HDAC4: variants seen among roughly 807,000 people sequenced by gnomAD.
HDAC4 encodes histone deacetylase A.
A neutral mutation model predicts 135.1 loss-of-function variants in HDAC4; 16 were observed. The observed-to-expected ratio is 0.12, with a 90% CI of 0.08 to 0.18. The LOEUF (loss-of-function observed/expected upper bound fraction) is 0.18. HDAC4 is among the 10% of genes least tolerant of loss of function. The pLI is 1.00. For synonymous variants in HDAC4, 685 were observed against 653.4 expected, an observed-to-expected ratio of 1.05 and a Z score of -0.74; for missense variants, 1,143 against 1,511.8, an observed-to-expected ratio of 0.76 and a Z score of 4.05.
chr2:239,379,983 C>G (rs537923557), intron 1 of HDAC4, among the ~76,000 whole-genome samples: 1 of 152,318 alleles, frequency 6.6e-6, no homozygotes, highest in African/African-American at 2.4e-5. Context: ...CCATCTGGCC[C>G]GTGGTGGAGT....
At chr2:239,089,256 C>T (rs1260112609) in intron 18 of HDAC4, among the ~76,000 whole-genome samples, 3 of 152,320 alleles carry the variant, frequency 2.0e-5, no homozygotes, top group Admixed American at 2.0e-4. Flanking sequence ...AGAATGACGC[C>T]GGGCAGGTGT....
intron 2 of HDAC4, among the ~76,000 whole-genome samples, chr2:239,310,522 C>A (rs868826516): frequency 1.3e-5 from 2 of 152,220 alleles, no homozygotes; most frequent in African/African-American, 4.8e-5. Context: ...CTCCCATGAG[C>A]CCTGCCTCCA....
At chr2:239,268,954 G>A (rs1010442192) in intron 2 of HDAC4, among the ~76,000 whole-genome samples, 2 of 152,126 alleles carry the variant, frequency 1.3e-5, no homozygotes, top group Non-Finnish European at 2.9e-5. Context: ...AAGACTAATC[G>A]CACTGGCAAG....
chr2:239,248,249 C>T (rs866520210), intron 2 of HDAC4, among the ~76,000 whole-genome samples: 22 of 151,778 alleles, frequency 1.4e-4, no homozygotes, highest in East Asian at 3.9e-4. Context: ...GGCGTGATCT[C>T]GGCTCACTGC....
chr2:239,265,200 T>A (rs1002710288), intron 2 of HDAC4, among the ~76,000 whole-genome samples: 1 of 152,196 alleles, frequency 6.6e-6, no homozygotes, highest in Non-Finnish European at 1.5e-5. Context: ...GGCTCCCACA[T>A]GTGTGCCAAC....
intron 2 of HDAC4, among the ~76,000 whole-genome samples, chr2:239,323,775 G>A (rs1458774200): frequency 6.6e-6 from 1 of 152,118 alleles, no homozygotes; most frequent in Admixed American, 6.5e-5. Context: ...GGGGCCCCGG[G>A]GCAGCCAATC....
chr2:239,115,999 C>T lies in HDAC4; in HGVS notation c.1534-689G>A, dbSNP rs1468281457. ...TATGGGGCCCCAAGAACCGCAACAT[C>T]CTCCCTCCTGTGGGACTCCCTAGAT... On this transcript the variant is annotated intron_variant, in intron 12 of 26. Transcript: ENST00000543185. This position sits in a 1 kb window ranked among gnomAD's most constrained non-coding sequence, Gnocchi z 6.3. Among the ~76,000 whole-genome samples, 1 of 152,176 alleles carries T rather than the reference C, an allele frequency of 6.6e-6. No homozygotes were observed. The highest frequency in any genetic ancestry group is 1.9e-4 in the East Asian group (1 of 5,180).
intron 10 of HDAC4, 21 bp downstream of exon 10, chr2:239,134,506 G>A (rs1406409279): frequency 6.2e-7 from 1 of 1,613,298 alleles, no homozygotes; most frequent in Non-Finnish European, 8.5e-7. Flanking sequence ...ACACCACACG[G>A]ACCCACGGGG....
chr2:239,088,193 G>A (rs937599898), intron 18 of HDAC4, among the ~76,000 whole-genome samples: 2 of 152,136 alleles, frequency 1.3e-5, no homozygotes, highest in Non-Finnish European at 2.9e-5. Context: ...TCACTTCTGC[G>A]TCAAAAATCC....
chr2:239,064,255 A>G, intron 24 of HDAC4, among the ~76,000 whole-genome samples: 1 of 152,244 alleles, frequency 6.6e-6, no homozygotes, highest in East Asian at 1.9e-4. Context: ...TGGAAAATAA[A>G]GCAGGTTTGT....
rs887411712 is a variant in HDAC4 at position 239,331,809 on chromosome 2, T to C, written c.22+20869A>G. Among the ~76,000 whole-genome samples the C allele has an allele frequency of 1.3e-5, 2 of 151,966 alleles. No individual in the cohort carries two copies. Among genetic ancestry groups the C allele is most frequent in the Non-Finnish European group, 2.9e-5 (2 of 67,990 alleles). ...GAAGGGAGGTGGAAAGAGGGCACACTCGGCCCGCGTGTCCTCCAGAGGCTG... is the reference window on the plus strand; with the variant it reads ...GAAGGGAGGTGGAAAGAGGGCACACCCGGCCCGCGTGTCCTCCAGAGGCTG... On this transcript the variant is annotated intron_variant, in intron 2 of 26. Coordinates refer to ENST00000543185, the MANE Select transcript of HDAC4 (RefSeq NM_001378414.1). The surrounding 1 kb of genome is among the most constrained non-coding windows in gnomAD (Gnocchi z 4.5).
chr2:239,052,815 G>A lies in HDAC4; in HGVS notation c.*282C>T. 2.1e-6 allele frequency: 1 copy of A among 480,646 alleles called. No homozygotes were observed. The highest frequency in any genetic ancestry group is 2.9e-5 in the South Asian group (1 of 34,204). 29.8% of individuals were successfully genotyped at this position (480,646 alleles called of 1,614,324 possible). A position where few individuals can be genotyped will look rare whatever the true frequency, so the allele number is the denominator to read the frequency against. ...CTTTCTTCCACGGCGTCCCTTGCGGGACCCGCCAGAGTGTGCTTGGCTTCC... is the reference window on the plus strand; with the variant it reads ...CTTTCTTCCACGGCGTCCCTTGCGGAACCCGCCAGAGTGTGCTTGGCTTCC... On this transcript the variant is annotated 3_prime_UTR_variant, in exon 27 of 27. Coordinates refer to ENST00000543185, the MANE Select transcript of HDAC4 (RefSeq NM_001378414.1).
intron 1 of HDAC4, among the ~76,000 whole-genome samples, chr2:239,391,336 T>G (rs1696191824): frequency 1.3e-5 from 2 of 152,276 alleles, no homozygotes; most frequent in South Asian, 4.2e-4. Flanking sequence ...TCTCAAACTG[T>G]ACTAAGGTCC....
chr2:239,145,078 T>G (rs1348705811), intron 7 of HDAC4, among the ~76,000 whole-genome samples: 1 of 152,062 alleles, frequency 6.6e-6, no homozygotes, highest in Non-Finnish European at 1.5e-5. Context: ...AGTCACTTAA[T>G]GGCGATGTCT....
intron 1 of HDAC4, among the ~76,000 whole-genome samples, chr2:239,390,622 C>T (rs1351559909): frequency 1.3e-5 from 2 of 152,142 alleles, no homozygotes; most frequent in East Asian, 3.9e-4. Flanking sequence ...CACCCTCCAC[C>T]TGTGGAGGAG....
Position 239,115,685 on chromosome 2 carries a change from T to C in HDAC4, c.1534-375A>G, listed in dbSNP as rs2039065307. 6.6e-6 allele frequency among the ~76,000 whole-genome samples: 1 copy of C among 151,790 alleles called. No individual in the cohort carries two copies. Among genetic ancestry groups the C allele is most frequent in the Non-Finnish European group, 1.5e-5 (1 of 67,972 alleles). On this transcript the variant is annotated intron_variant, in intron 12 of 26. Transcript: ENST00000543185. This position sits in a 1 kb window ranked among gnomAD's most constrained non-coding sequence, Gnocchi z 6.3. ...GAGTGTGAAGGGGAGAGGCCAATGC[T>C]GACCTCACAGCCACAACTGCTAAGA...
intron 2 of HDAC4, among the ~76,000 whole-genome samples, chr2:239,323,843 G>A (rs1032507312): frequency 2.0e-5 from 3 of 152,072 alleles, no homozygotes; most frequent in African/African-American, 4.8e-5. Context: ...AGGCAGAAGC[G>A]CCACAAAAAC....
intron 3 of HDAC4, among the ~76,000 whole-genome samples, chr2:239,195,776 C>A (rs974161819): frequency 2.0e-5 from 3 of 152,172 alleles, no homozygotes; most frequent in African/African-American, 7.2e-5. Context: ...CATATTAAGA[C>A]AATCAGACTC....
At chr2:239,231,287 C>T (rs1036269104) in intron 3 of HDAC4, among the ~76,000 whole-genome samples, 6 of 152,200 alleles carry the variant, frequency 3.9e-5, no homozygotes, top group Non-Finnish European at 7.3e-5. Flanking sequence ...GTCTTAACAT[C>T]GGCCTCTACT....
Sources: allele counts gnomAD v4.1 joint callset (sites outside exome capture counted in the v4.1 genomes callset), GRCh38; gene constraint gnomAD v4.1.1; non-coding constraint Gnocchi (gnomAD v3.1); transcripts MANE v1.5; gene names NCBI Gene and HGNC (gene_info 2026-07-23, HGNC 2026-07-21).